Variants in DHRS3 observed in about 807,000 individuals in gnomAD.
The protein encoded by DHRS3 is dehydrogenase/reductase 3.
DHRS3 carries 14 observed loss-of-function variants against 27.2 expected under a neutral mutation model. That is an observed-to-expected ratio of 0.52 (90% CI 0.34 to 0.81). DHRS3 has a LOEUF of 0.81. Among genes scored for constraint, DHRS3 ranks in the 30% least tolerant of loss-of-function variants. The pLI, the probability that DHRS3 is intolerant of heterozygous loss-of-function variation, is 0.01. For missense variants in DHRS3, 322 were observed against 406.2 expected (o/e 0.79, Z 1.78); for synonymous variants, 165 against 175.9 (o/e 0.94, Z 0.49).
chr1:12,569,554 T>A (rs983386842), intron 5 of DHRS3, among the ~76,000 whole-genome samples: 7 of 152,132 alleles, frequency 4.6e-5, no homozygotes, highest in Non-Finnish European at 1.0e-4. Flanking sequence ...TTAGTTTTTT[T>A]ATTTATTTTT....
At position 12,615,295 on chromosome 1, in the gene DHRS3, A is replaced by G. The variant is rs1414209041; in HGVS notation, c.195+1859T>C. ...GATGACTGAACCGAGCATGAATGGC[A>G]CTCGAAGTTTCACAGGCCCCCATGG... On this transcript the variant is annotated intron_variant, in intron 1 of 5. Transcript: ENST00000616661. Among the ~76,000 whole-genome samples, 3 of 152,232 alleles carry G rather than the reference A, an allele frequency of 2.0e-5. No homozygotes were observed. In the East Asian group the frequency reaches 5.8e-4, roughly 29 times the overall value.
At chr1:12,573,530 T>C (rs1438787688) in intron 4 of DHRS3, among the ~76,000 whole-genome samples, 2 of 152,214 alleles carry the variant, frequency 1.3e-5, no homozygotes, top group Non-Finnish European at 2.9e-5. Flanking sequence ...ATGTGCTCAA[T>C]AAATACTTGA....
chr1:12,581,856 G>A (rs535284729), intron 1 of DHRS3, among the ~76,000 whole-genome samples: 5 of 152,186 alleles, frequency 3.3e-5, no homozygotes, highest in Admixed American at 6.5e-5. Context: ...AGGAAGAGCC[G>A]AAAGGGTTTT....
intron 1 of DHRS3, chr1:12,600,298 T>G: frequency 1.0e-5 from 10 of 967,480 alleles, no homozygotes; most frequent in African/African-American, 1.8e-5. Flanking sequence ...AGCCAAGGCA[T>G]GGATCTGCTG....
intron 1 of DHRS3, among the ~76,000 whole-genome samples, chr1:12,588,243 A>G (rs1646714557): frequency 7.1e-6 from 1 of 140,374 alleles, no homozygotes; most frequent in East Asian, 1.9e-4. Context: ...CAGCCTCCCC[A>G]CAACAACAAC....
rs1646886037 is a variant in DHRS3, at chr1:12,608,488, A to C, written c.195+8666T>G. Among the ~76,000 whole-genome samples the C allele has an allele frequency of 6.6e-6, 1 of 152,166 alleles. No individual in the cohort carries two copies. The highest frequency in any genetic ancestry group is 2.4e-5 in the African/African-American group (1 of 41,430). ...ACTGCTGGAGGATCCTGCTGAAGTCATGCTGAGAAGGGCTGCCTTCTTTTA... is the reference window on the plus strand; with the variant it reads ...ACTGCTGGAGGATCCTGCTGAAGTCCTGCTGAGAAGGGCTGCCTTCTTTTA... On this transcript the variant is annotated intron_variant, in intron 1 of 5. Transcript: ENST00000616661. The surrounding 1 kb of genome is among the most constrained non-coding windows in gnomAD (Gnocchi z 4.1).
intron 1 of DHRS3, among the ~76,000 whole-genome samples, chr1:12,606,470 A>AATTTT (rs763561465): frequency 1.3e-4 from 20 of 151,980 alleles, no homozygotes; most frequent in South Asian, 6.2e-4. Context: ...TTTCAATGAA[A>AATTTT]ATTTTATTTT....
chr1:12,588,931 G>A (rs1449622393), intron 1 of DHRS3, among the ~76,000 whole-genome samples: 3 of 152,216 alleles, frequency 2.0e-5, no homozygotes, highest in Admixed American at 6.5e-5. Context: ...GAGCTGGATC[G>A]GTGCTGACTT....
Position 12,569,027 on chromosome 1 carries a change from A to G in DHRS3, c.825-603T>C, listed in dbSNP as rs1479741733. ...CACCTCAGGAGTTCGAGAACAGCCT[A>G]GCCAACATGGCAAAACCCTGTCTTT... On this transcript the variant is annotated intron_variant, in intron 5 of 5. Coordinates refer to ENST00000616661, the MANE Select transcript of DHRS3 (RefSeq NM_004753.7). Among the ~76,000 whole-genome samples the G allele has an allele frequency of 3.3e-5, 5 of 152,174 alleles. No individual in the cohort carries two copies. The South Asian group carries it at 6.2e-4, about 19-fold the overall frequency.
At chr1:12,580,462 C>T in intron 2 of DHRS3, 61 bp downstream of exon 2, 1 of 1,612,162 alleles carries the variant, frequency 6.2e-7, no homozygotes, top group Non-Finnish European at 8.5e-7. Context: ...AGAATGTTCT[C>T]TTTGCCCGGA....
At chr1:12,605,001 C>T (rs1204738215) in intron 1 of DHRS3, among the ~76,000 whole-genome samples, 6 of 142,780 alleles carry the variant, frequency 4.2e-5, no homozygotes, top group South Asian at 2.2e-4. Context: ...CGTTTGAACC[C>T]GGGAGGAGGT....
intron 1 of DHRS3, 55 bp downstream of exon 1, chr1:12,617,099 G>T: frequency 6.5e-7 from 1 of 1,541,370 alleles, no homozygotes; most frequent in East Asian, 2.3e-5. Flanking sequence ...GGCAGCAGGT[G>T]GGCTTACCCC....
chr1:12,588,615 G>A (rs1646719086), intron 1 of DHRS3, among the ~76,000 whole-genome samples: 1 of 152,212 alleles, frequency 6.6e-6, no homozygotes, highest in Non-Finnish European at 1.5e-5. Context: ...CATCCAGCAT[G>A]GGCCAGGCAC....
chr1:12,570,605 A>G (rs571547351), intron 5 of DHRS3, among the ~76,000 whole-genome samples: 6 of 152,254 alleles, frequency 3.9e-5, no homozygotes, highest in Admixed American at 2.0e-4. Context: ...GTTGTGGGGA[A>G]GGTTGGAAAA....
intron 2 of DHRS3, chr1:12,579,734 A>G: frequency 3.8e-6 from 1 of 263,248 alleles, no homozygotes. Flanking sequence ...CGGTCTCCCA[A>G]AATGCTGGGA....
chr1:12,575,953 C>T (rs148512419), intron 4 of DHRS3, among the ~76,000 whole-genome samples: 11,521 of 152,022 alleles, frequency 0.076, 716 homozygotes, highest in East Asian at 0.19. Flanking sequence ...GTGACCTGCC[C>T]GCCTTGGCCT....
chr1:12,596,532 C>A (rs573323507), intron 1 of DHRS3, among the ~76,000 whole-genome samples: 23 of 152,280 alleles, frequency 1.5e-4, no homozygotes, highest in South Asian at 8.3e-4. Context: ...AAGCAGGGGG[C>A]CTGTTTATCC....
chr1:12,598,848 C>A (rs1438521747), intron 1 of DHRS3, among the ~76,000 whole-genome samples: 1 of 152,172 alleles, frequency 6.6e-6, no homozygotes, highest in Non-Finnish European at 1.5e-5. Context: ...GCAGAGACCC[C>A]CAAACCGGTT....
At position 12,608,549 on chromosome 1, in the gene DHRS3, C is replaced by A. The variant is rs529314088; in HGVS notation, c.195+8605G>T. Among the ~76,000 whole-genome samples, 69 of 152,286 alleles carry A rather than the reference C, an allele frequency of 4.5e-4. 1 individual carries two copies. The South Asian group carries it at 0.014, about 31-fold the overall frequency. ...GTTGGTTGATCGATGCTGGTGTCCT[C>A]TTTTCCTCCTGCCCCCTGCCCCTGC... is the stretch of plus-strand genomic sequence containing the variant. On this transcript the variant is annotated intron_variant, in intron 1 of 5. Transcript: ENST00000616661. This position sits in a 1 kb window ranked among gnomAD's most constrained non-coding sequence, Gnocchi z 4.1.
Sources: allele counts gnomAD v4.1 joint callset (sites outside exome capture counted in the v4.1 genomes callset), GRCh38; gene constraint gnomAD v4.1.1; non-coding constraint Gnocchi (gnomAD v3.1); transcripts MANE v1.5; gene names NCBI Gene and HGNC (gene_info 2026-07-23, HGNC 2026-07-21).